Variants in THSD7B observed in about 807,000 individuals in gnomAD.
THSD7B encodes thrombospondin type-1 domain-containing protein 7B.
In THSD7B, 138 loss-of-function variants were observed where a neutral mutation model predicts 213.6. That is an observed-to-expected ratio of 0.65 (90% CI 0.56 to 0.74). The LOEUF is 0.74. Ranked by LOEUF, THSD7B falls within the 30% of genes least tolerant of loss-of-function variation. THSD7B has a pLI of 0.00. For synonymous variants in THSD7B, 742 were observed against 687.0 expected, an observed-to-expected ratio of 1.08 and a Z score of -1.25; for missense variants, 1,931 against 1,991.5, an observed-to-expected ratio of 0.97 and a Z score of 0.58.
chr2:137,572,622 A>C, intron 17 of THSD7B, 66 bp downstream of exon 17: 1 of 1,566,134 alleles, frequency 6.4e-7, no homozygotes, highest in East Asian at 2.3e-5. Flanking sequence ...TTCGTTGTGC[A>C]TTCACAGTGC....
intron 1 of THSD7B, among the ~76,000 whole-genome samples, chr2:136,843,532 A>G (rs1179000341): frequency 6.6e-6 from 1 of 152,188 alleles, no homozygotes; most frequent in Non-Finnish European, 1.5e-5. Context: ...AATCTAGTTT[A>G]TGTCTTGTAC....
chr2:137,387,447 G>A (rs1417190159), intron 12 of THSD7B, among the ~76,000 whole-genome samples: 4 of 152,132 alleles, frequency 2.6e-5, no homozygotes, highest in East Asian at 1.9e-4. Context: ...TTACCTAGGA[G>A]TACAATTTTC....
At chr2:137,336,137 C>A (rs879645426) in intron 12 of THSD7B, among the ~76,000 whole-genome samples, 1 of 152,048 alleles carries the variant, frequency 6.6e-6, no homozygotes, top group East Asian at 1.9e-4. Flanking sequence ...GTCAGAGAAA[C>A]AGTTAATTAT....
intron 2 of THSD7B, among the ~76,000 whole-genome samples, chr2:136,995,013 TC>T (rs1364395186): frequency 6.6e-6 from 1 of 152,208 alleles, no homozygotes; most frequent in Non-Finnish European, 1.5e-5. Context: ...AGTAGTCCTA[TC>T]CCATGTGTTT....
At chr2:137,153,722 C>T (rs924954738) in intron 5 of THSD7B, among the ~76,000 whole-genome samples, 5 of 152,120 alleles carry the variant, frequency 3.3e-5, no homozygotes, top group South Asian at 2.1e-4. Flanking sequence ...CCATTTGACT[C>T]CTTCAGTCTG....
At chr2:137,654,507 G>A (rs1162203481) in intron 21 of THSD7B, among the ~76,000 whole-genome samples, 2 of 152,130 alleles carry the variant, frequency 1.3e-5, no homozygotes, top group Admixed American at 6.5e-5. Context: ...TGAAGATGGT[G>A]GGGAAGCTGG....
chr2:137,411,488 G>A, intron 13 of THSD7B, 121 bp from the exon 14 acceptor site: 1 of 929,634 alleles, frequency 1.1e-6, no homozygotes, highest in Non-Finnish European at 1.6e-6. Flanking sequence ...ACAAAAGAGT[G>A]AAGAAAACAA....
intron 12 of THSD7B, among the ~76,000 whole-genome samples, chr2:137,362,094 A>C (rs1685276775): frequency 6.6e-6 from 1 of 152,214 alleles, no homozygotes; most frequent in African/African-American, 2.4e-5. Flanking sequence ...TTCTTAAAGA[A>C]AAGAATTTTC....
intron 17 of THSD7B, among the ~76,000 whole-genome samples, chr2:137,605,835 A>AT (rs537157726): frequency 8.4e-4 from 127 of 151,114 alleles, no homozygotes; most frequent in African/African-American, 2.8e-3. Flanking sequence ...CGCCCAGCTA[A>AT]TTTTTTTGTA....
intron 1 of THSD7B, among the ~76,000 whole-genome samples, chr2:136,799,297 A>T (rs897588678): frequency 9.3e-5 from 14 of 151,014 alleles, no homozygotes; most frequent in African/African-American, 3.5e-4. Context: ...GTTTTGGGAG[A>T]TTGAAAAAAA....
At chr2:136,914,740 T>C (rs1684323861) in intron 2 of THSD7B, among the ~76,000 whole-genome samples, 2 of 152,214 alleles carry the variant, frequency 1.3e-5, no homozygotes, top group African/African-American at 4.8e-5. Flanking sequence ...CAGCCATGTG[T>C]AACTGTAAGT....
chr2:137,077,234 A>T (rs899647836), intron 3 of THSD7B, among the ~76,000 whole-genome samples: 3 of 152,104 alleles, frequency 2.0e-5, no homozygotes, highest in Admixed American at 6.5e-5. Context: ...ATTGTTGGAC[A>T]TTTGGGTTGG....
chr2:136,994,633 GTTATC>G (rs746063282), intron 2 of THSD7B, among the ~76,000 whole-genome samples: 15 of 152,240 alleles, frequency 9.9e-5, no homozygotes, highest in Non-Finnish European at 1.8e-4. Context: ...GTTTGCATAT[GTTATC>G]TTATTTGATC....
chr2:137,316,106 G>T (rs891290438), intron 12 of THSD7B, among the ~76,000 whole-genome samples: 1 of 152,210 alleles, frequency 6.6e-6, no homozygotes, highest in South Asian at 2.1e-4. Flanking sequence ...CAGCAGGATA[G>T]ATCTGGTGGA....
intron 2 of THSD7B, among the ~76,000 whole-genome samples, chr2:136,977,815 T>TGTTTTTG (rs1685508592): frequency 6.7e-6 from 1 of 149,700 alleles, no homozygotes; most frequent in Non-Finnish European, 1.5e-5. Flanking sequence ...TTTTTTTTTT[T>TGTTTTTG]TTTTTTTAAA....
At chr2:137,199,063 G>GTGTA (rs750277831) in intron 7 of THSD7B, among the ~76,000 whole-genome samples, 21 of 152,280 alleles carry the variant, frequency 1.4e-4, no homozygotes, top group Non-Finnish European at 2.4e-4. Context: ...GGCACTCCTA[G>GTGTA]TGTAGTCTTT....
At chr2:137,555,880 G>A (rs1450963256) in intron 15 of THSD7B, among the ~76,000 whole-genome samples, 1 of 152,196 alleles carries the variant, frequency 6.6e-6, no homozygotes, top group Non-Finnish European at 1.5e-5. Context: ...CATGGCATGA[G>A]AACTACGTGA....
At chr2:137,271,430 A>T (rs1458015355) in intron 10 of THSD7B, among the ~76,000 whole-genome samples, 1 of 136,852 alleles carries the variant, frequency 7.3e-6, no homozygotes, top group Non-Finnish European at 1.5e-5. Flanking sequence ...TAATTATATA[A>T]TATATATAAT....
intron 13 of THSD7B, among the ~76,000 whole-genome samples, chr2:137,410,120 T>A (rs1686618901): frequency 6.6e-6 from 1 of 152,136 alleles, no homozygotes; most frequent in Non-Finnish European, 1.5e-5. Flanking sequence ...TATTGATATA[T>A]CTCTCAGCCA....
Sources: gnomAD v4.1 joint callset for allele counts (sites outside exome capture counted in the v4.1 genomes callset) on GRCh38, gnomAD v4.1.1 for gene constraint, MANE v1.5 for transcripts, NCBI Gene and HGNC (gene_info 2026-07-23, HGNC 2026-07-21) for gene names.